The following SAE1 variants were observed in gnomAD, a reference collection of about 807,000 sequenced individuals.
SAE1 encodes SUMO1 activating enzyme subunit 1.
A neutral mutation model predicts 40.6 loss-of-function variants in SAE1; 11 were observed. The observed-to-expected ratio is 0.27, with a 90% CI of 0.17 to 0.45. The LOEUF (loss-of-function observed/expected upper bound fraction) is 0.45. SAE1 is among the 20% of genes least tolerant of loss of function. SAE1 has a pLI of 1.00. For missense variants in SAE1, 373 were observed against 427.3 expected, an observed-to-expected ratio of 0.87 and a Z score of 1.12; for synonymous variants, 155 against 154.3, an observed-to-expected ratio of 1.00 and a Z score of -0.03.
At chr19:47,187,205 G>T (rs1169409021) in intron 6 of SAE1, among the ~76,000 whole-genome samples, 2 of 152,172 alleles carry the variant, frequency 1.3e-5, no homozygotes, top group Non-Finnish European at 2.9e-5. Context: ...CAGAATCAGA[G>T]TGGCTTCCGT....
chr19:47,147,761 A>AT (rs1261804439), intron 2 of SAE1, among the ~76,000 whole-genome samples: 1,608 of 113,618 alleles, frequency 0.014, 13 homozygotes, highest in Middle Eastern at 0.023. Context: ...CCTCAACTGT[A>AT]TTTTTTTTTT....
At chr19:47,168,219 CTG>C (rs760318071) in intron 5 of SAE1, among the ~76,000 whole-genome samples, 23 of 151,758 alleles carry the variant, frequency 1.5e-4, no homozygotes, top group Non-Finnish European at 2.1e-4. Context: ...AAACAAAAAA[CTG>C]TTTTTTTGTA....
intron 7 of SAE1, among the ~76,000 whole-genome samples, chr19:47,199,191 CGTGGCTAACATG>C (rs1455214278): frequency 6.6e-6 from 1 of 151,870 alleles, no homozygotes; most frequent in Non-Finnish European, 1.5e-5. Flanking sequence ...TTGAGACCAT[CGTGGCTAACATG>C]GTGAAACCCC....
chr19:47,203,967 A>G (rs1045428603), intron 8 of SAE1, among the ~76,000 whole-genome samples: 3 of 152,046 alleles, frequency 2.0e-5, no homozygotes, highest in Non-Finnish European at 1.5e-5. Flanking sequence ...AGTTGGCCAT[A>G]GTGCCTCGAA....
intron 2 of SAE1, among the ~76,000 whole-genome samples, chr19:47,147,927 T>G (rs2058264747): frequency 6.6e-6 from 1 of 151,310 alleles, no homozygotes; most frequent in Non-Finnish European, 1.5e-5. Context: ...CCTGGCTAAT[T>G]TTTTTGTATT....
rs984970212 is a variant in SAE1, at chr19:47,182,803, C to T, written c.733+12880C>T. On this transcript the variant is annotated intron_variant, in intron 6 of 8. Transcript: ENST00000270225. Reference sequence around the variant, plus strand: ...TGAATTAATAGTTACTGGTTACAGGCGGGGTGTGGTGGCTCAGGCTTGTAA... The same window carrying T: ...TGAATTAATAGTTACTGGTTACAGGTGGGGTGTGGTGGCTCAGGCTTGTAA... Among the ~76,000 whole-genome samples, 14 of 152,208 alleles carry T rather than the reference C, an allele frequency of 9.2e-5. 1 individual carries two copies. Among genetic ancestry groups the T allele is most frequent in the African/African-American group, 2.6e-4 (11 of 41,542 alleles).
chr19:47,209,137 C>A (rs936470199), intron 8 of SAE1, 22 bp from the exon 9 acceptor site: 1 of 1,611,374 alleles, frequency 6.2e-7, no homozygotes, highest in Non-Finnish European at 8.5e-7. Context: ...GAGCTAAACC[C>A]TCTTTTCATT....
chr19:47,187,495 G>A (rs1344902820), intron 6 of SAE1, among the ~76,000 whole-genome samples: 5 of 152,142 alleles, frequency 3.3e-5, no homozygotes, highest in Admixed American at 3.3e-4. Flanking sequence ...AACAGACCAG[G>A]TCTGCTTTGG....
chr19:47,207,774 A>G (rs777585187), intron 8 of SAE1, among the ~76,000 whole-genome samples: 2 of 151,850 alleles, frequency 1.3e-5, no homozygotes, highest in Non-Finnish European at 2.9e-5. Context: ...CACTGAGACT[A>G]TAAGCACACG....
intron 6 of SAE1, among the ~76,000 whole-genome samples, chr19:47,174,008 A>G (rs983812642): frequency 4.6e-5 from 7 of 150,710 alleles, no homozygotes; most frequent in African/African-American, 1.7e-4. Flanking sequence ...ATGGTCTCGA[A>G]CTCCTGACCT....
Position 47,169,798 on chromosome 19 carries a change from G to T in SAE1, c.628-20G>T, listed in dbSNP as rs1352885464. 11 of 1,542,552 alleles carry T rather than the reference G, an allele frequency of 7.1e-6. No individual in the cohort carries two copies. Among genetic ancestry groups the T allele is most frequent in the Non-Finnish European group, 9.9e-6 (11 of 1,115,256 alleles). ...AGCCAGCATATGTTATTCCTAAGCA[G>T]TTCTGCCTTTTTTCCACAGAAGGTG... On this transcript the variant is annotated intron_variant, in intron 5 of 8. Coordinates refer to ENST00000270225, the MANE Select transcript of SAE1 (RefSeq NM_005500.3).
intron 1 of SAE1, among the ~76,000 whole-genome samples, chr19:47,133,818 G>A (rs905848427): frequency 2.0e-5 from 3 of 151,976 alleles, no homozygotes; most frequent in South Asian, 2.1e-4. Flanking sequence ...TGGTGGGGTC[G>A]GGGAAGAGTC....
At position 47,180,286 on chromosome 19, in the gene SAE1, G is replaced by A. The variant is rs367564725; in HGVS notation, c.733+10363G>A. The A allele has an allele frequency of 1.0e-3, 458 of 456,200 alleles. 3 individuals are homozygous for A. The highest frequency in any genetic ancestry group is 8.4e-3 in the African/African-American group (424 of 50,190). The allele number at this position is 456,200 out of a possible 1,614,324, so 28.3% of individuals were successfully genotyped here. On this transcript the variant is annotated intron_variant, in intron 6 of 8. Transcript: ENST00000270225. ...TGGAGAAATGGCTGTTTCCAGATCT[G>A]GGGTAGGAAAATTACAGGTGAGCTT...
At chr19:47,141,599 A>G (rs2058222443) in intron 1 of SAE1, among the ~76,000 whole-genome samples, 1 of 152,068 alleles carries the variant, frequency 6.6e-6, no homozygotes, top group Non-Finnish European at 1.5e-5. Flanking sequence ...CAGCCATGAT[A>G]AAAAAGCCTT....
At chr19:47,133,164 T>C (rs2058157625) in intron 1 of SAE1, among the ~76,000 whole-genome samples, 1 of 152,238 alleles carries the variant, frequency 6.6e-6, no homozygotes, top group Non-Finnish European at 1.5e-5. Context: ...GCTTTTATTC[T>C]AAGTGTGTGG....
intron 1 of SAE1, among the ~76,000 whole-genome samples, chr19:47,138,198 C>T (rs768344541): frequency 6.6e-6 from 1 of 152,032 alleles, no homozygotes; most frequent in Non-Finnish European, 1.5e-5. Flanking sequence ...CGCCTGCTAC[C>T]GCGCCCAGCT....
intron 2 of SAE1, among the ~76,000 whole-genome samples, chr19:47,146,828 G>T (rs935747779): frequency 6.6e-6 from 1 of 152,152 alleles, no homozygotes; most frequent in Admixed American, 6.6e-5. Flanking sequence ...GAGTGACTGG[G>T]TGGGTGGCTG....
chr19:47,151,699 ATT>A (rs1200172578), intron 3 of SAE1, among the ~76,000 whole-genome samples: 1 of 152,022 alleles, frequency 6.6e-6, no homozygotes, highest in Non-Finnish European at 1.5e-5. Context: ...AGTCCCTTCT[ATT>A]TTTTAACTTG....
At chr19:47,204,348 C>T (rs574669784) in intron 8 of SAE1, among the ~76,000 whole-genome samples, 44 of 151,744 alleles carry the variant, frequency 2.9e-4, no homozygotes, top group African/African-American at 1.0e-3. Flanking sequence ...CAGGCGCCTG[C>T]CACCACGCCC....
Sources: gnomAD v4.1 joint callset for allele counts (sites outside exome capture counted in the v4.1 genomes callset) on GRCh38, gnomAD v4.1.1 for gene constraint, MANE v1.5 for transcripts, NCBI Gene and HGNC (gene_info 2026-07-23, HGNC 2026-07-21) for gene names.